The following DYSF variants were observed in gnomAD, a reference collection of about 807,000 sequenced individuals.
DYSF encodes dystrophy-associated fer-1-like 1.
In DYSF, 212 loss-of-function variants were observed where a neutral mutation model predicts 274.9. The observed-to-expected ratio is 0.77, with a 90% confidence interval of 0.69 to 0.86. DYSF has a LOEUF of 0.86. Among genes scored for constraint, DYSF ranks in the 40% least tolerant of loss-of-function variants. The pLI, the probability that DYSF is intolerant of heterozygous loss-of-function variation, is 0.00. For missense variants in DYSF, 2,666 were observed against 2,783.2 expected (o/e 0.96, Z 0.95); for synonymous variants, 1,091 against 1,078.7 (o/e 1.01, Z -0.22).
chr2:71,485,877 G>A (rs1223929450), intron 3 of DYSF, among the ~76,000 whole-genome samples: 2 of 152,114 alleles, frequency 1.3e-5, no homozygotes, highest in African/African-American at 4.8e-5. Context: ...GCAGTGGTAC[G>A]TTCTTGGCTC....
chr2:71,515,891 A>G, intron 8 of DYSF, 140 bp downstream of exon 8: 2 of 1,312,488 alleles, frequency 1.5e-6, no homozygotes, highest in Non-Finnish European at 2.1e-6. Flanking sequence ...GCTCCCAAGG[A>G]GGTTATCTGT....
At position 71,574,284 on chromosome 2, in the gene DYSF, T is replaced by G. The variant is rs886043916; in HGVS notation, c.3315T>G (p.Asp1105Glu). ...TCCACCTCGAGTACCGCAAGACAGA[T>G]GCCTTCCGCCGCCGCCGCTGGCGCC... ...WKFHLEYRKTDAFRRRRWRRR... is the reference protein window; with the variant it reads ...WKFHLEYRKTEAFRRRRWRRR... The change falls in exon 30 of 56, where the codon GAT becomes GAG. Residue 1105 changes from aspartate to glutamate, a missense_variant. Physicochemically the swap from Asp to Glu is conservative, Grantham distance 45. Around this residue, in one of 3 missense-constraint regions of DYSF, gnomAD observed 1,460 missense variants for 1,502.1 expected, o/e 0.97. Transcript: ENST00000410020. The G allele has an allele frequency of 6.2e-7, 1 of 1,614,100 alleles. No individual in the cohort carries two copies. The highest frequency in any genetic ancestry group is 8.5e-7 in the Non-Finnish European group (1 of 1,179,994).
chr2:71,514,047 G>C, intron 7 of DYSF, 126 bp downstream of exon 7: 1 of 1,137,042 alleles, frequency 8.8e-7, no homozygotes, highest in Admixed American at 2.0e-5. Flanking sequence ...CCTCCTGTGG[G>C]GGAATCTGTA....
Position 71,517,021 on chromosome 2 carries a change from T to C in DYSF, c.984T>C (p.Ala328=). The change falls in exon 10 of 56, where the codon GCT becomes GCC. Residue 328 remains alanine (A), a synonymous_variant. Transcript: ENST00000410020. The part of the protein sequence containing the change: ...VVDSRSLRTD[A]LLGEFRMDVG... The stretch of plus-strand genomic sequence containing the variant: ...ACTCTCGTTCTCTCAGGACAGATGC[T>C]CTCCTCGGGGAGTTCCGGGTAATTG... The C allele has an allele frequency of 6.2e-7, 1 of 1,614,174 alleles. No individual in the cohort carries two copies. The highest frequency in any genetic ancestry group is 8.5e-7 in the Non-Finnish European group (1 of 1,180,014).
rs762447573 is a variant in DYSF at position 71,665,225 on chromosome 2, G to A, written c.5238G>A (p.Gln1746=). Residue 1746 remains glutamine, a synonymous_variant, in exon 47 of 56, where the codon CAG becomes CAA. Transcript: ENST00000410020. ...RPSQLLHLFC[Q]QHRVKAPVYR... ...CCCAGCTCCTCCACCTCTTCTGCCAGCAGCATAGAGTCAAGGCACCTGTGT... is the reference window on the plus strand; with the variant it reads ...CCCAGCTCCTCCACCTCTTCTGCCAACAGCATAGAGTCAAGGCACCTGTGT... The A allele has an allele frequency of 3.1e-6, 5 of 1,614,096 alleles. No individual in the cohort carries two copies. The Admixed American group carries it at 8.3e-5, about 27-fold the overall frequency.
intron 3 of DYSF, among the ~76,000 whole-genome samples, chr2:71,495,800 A>G (rs2084324637): frequency 6.6e-6 from 1 of 152,080 alleles, no homozygotes; most frequent in Non-Finnish European, 1.5e-5. Flanking sequence ...TCACTGGGGC[A>G]GGGGCTCTGC....
chr2:71,529,088 G>C (rs922729660), intron 14 of DYSF, among the ~76,000 whole-genome samples: 4 of 152,176 alleles, frequency 2.6e-5, no homozygotes, highest in Non-Finnish European at 1.5e-5. Flanking sequence ...TCCGCCTGCT[G>C]CCCCTCTGAG....
At chr2:71,642,682 C>T (rs2094505282) in intron 41 of DYSF, among the ~76,000 whole-genome samples, 1 of 152,196 alleles carries the variant, frequency 6.6e-6, no homozygotes, top group Admixed American at 6.5e-5. Flanking sequence ...TCTGGAGACA[C>T]CTGGCCACAC....
intron 41 of DYSF, among the ~76,000 whole-genome samples, chr2:71,641,646 T>TA (rs1388924318): frequency 6.6e-6 from 1 of 150,914 alleles, no homozygotes; most frequent in African/African-American, 2.4e-5. Context: ...TAAGATAAAA[T>TA]TTTTTTTTTG....
intron 45 of DYSF, among the ~76,000 whole-genome samples, chr2:71,660,987 C>T (rs2094869381): frequency 6.6e-6 from 1 of 151,898 alleles, no homozygotes; most frequent in Non-Finnish European, 1.5e-5. Flanking sequence ...CATGGTAGTG[C>T]ATGCCTGTGG....
intron 48 of DYSF, 57 bp downstream of exon 48, chr2:71,667,572 AG>A: frequency 1.2e-6 from 2 of 1,609,124 alleles, no homozygotes; most frequent in Non-Finnish European, 1.7e-6. Flanking sequence ...CCCCAACCCC[AG>A]GGACAACATG....
intron 45 of DYSF, among the ~76,000 whole-genome samples, chr2:71,661,491 A>G (rs561889065): frequency 6.6e-6 from 1 of 152,336 alleles, no homozygotes; most frequent in African/African-American, 2.4e-5. Flanking sequence ...TTTAGTAATT[A>G]ATTCTCTGTA....
chr2:71,632,365 T>C (rs922139600), intron 41 of DYSF, among the ~76,000 whole-genome samples: 4 of 152,228 alleles, frequency 2.6e-5, no homozygotes, highest in Non-Finnish European at 5.9e-5. Flanking sequence ...AGTAATGTGA[T>C]TTTGTATATG....
In DYSF at chr2:71,481,901, G is replaced by T; in HGVS notation, c.170G>T (p.Gly57Val). ...WNEGFEWDLK[G>V]IPLDQGSELH... is the part of the protein sequence containing the mutation. ...CAGGGATTTGAATGGGACCTCAAGGGCATCCCCCTGGACCAGGGCTCTGAG... is the reference window on the plus strand; with the variant it reads ...CAGGGATTTGAATGGGACCTCAAGGTCATCCCCCTGGACCAGGGCTCTGAG... The change falls in exon 3 of 56, where the codon GGC becomes GTC. Residue 57 changes from glycine (G) to valine (V), a missense_variant. By Grantham distance (109) the Gly-to-Val change is moderately radical. This residue lies in a region of DYSF where 794 missense variants were observed against 777.1 expected (regional missense o/e 1.02). Transcript: ENST00000410020. 1.9e-6 allele frequency: 3 copies of T among 1,614,122 alleles called. No individual in the cohort carries two copies. The highest frequency in any genetic ancestry group is 2.5e-6 in the Non-Finnish European group (3 of 1,179,994).
At chr2:71,667,329 C>T (rs556503615) in intron 47 of DYSF, 47 bp from the exon 48 acceptor site, 3 of 1,613,268 alleles carry the variant, frequency 1.9e-6, no homozygotes, top group East Asian at 4.5e-5. Flanking sequence ...CCCATTATCT[C>T]TCGCTTCCCC....
At chr2:71,654,798 G>A (rs2094736977) in intron 42 of DYSF, among the ~76,000 whole-genome samples, 6 of 151,880 alleles carry the variant, frequency 4.0e-5, no homozygotes, top group Admixed American at 3.9e-4. Context: ...CAAGTTACAG[G>A]CCAGGCACAG....
chr2:71,561,145 A>AC (rs1025770768), intron 22 of DYSF, among the ~76,000 whole-genome samples: 3 of 151,638 alleles, frequency 2.0e-5, no homozygotes, highest in African/African-American at 4.9e-5. Context: ...CATTGCATGT[A>AC]CCCCCCACCT....
intron 32 of DYSF, among the ~76,000 whole-genome samples, chr2:71,591,131 C>T (rs2093251513): frequency 6.6e-6 from 1 of 152,252 alleles, no homozygotes; most frequent in South Asian, 2.1e-4. Flanking sequence ...TCCAGCCCCA[C>T]CAACTCTGTC....
chr2:71,658,758 C>G (rs1424015787), intron 43 of DYSF, 120 bp from the exon 44 acceptor site: 8 of 1,220,184 alleles, frequency 6.6e-6, no homozygotes, highest in Non-Finnish European at 7.1e-6. Context: ...CTCCTGGGTC[C>G]CTCCCACAAC....
Sources: allele counts gnomAD v4.1 joint callset (sites outside exome capture counted in the v4.1 genomes callset), GRCh38; gene constraint gnomAD v4.1.1; regional missense constraint gnomAD v4.1.1; transcripts MANE v1.5; gene names NCBI Gene and HGNC (gene_info 2026-07-23, HGNC 2026-07-21).